Variants in AOPEP observed in about 807,000 individuals in gnomAD.
The protein encoded by AOPEP is aminopeptidase O (putative), also known as aminopeptidase O.
In AOPEP, 77 loss-of-function variants were observed where a neutral mutation model predicts 98.1. The observed-to-expected ratio is 0.78, with a 90% CI of 0.65 to 0.95. The LOEUF (loss-of-function observed/expected upper bound fraction) is 0.95, where lower values mean the gene tolerates loss of function less well. Among genes scored for constraint, AOPEP ranks in the 40% least tolerant of loss-of-function variants. The pLI is 0.00. For missense variants in AOPEP, 1,024 were observed against 1,024.7 expected, an observed-to-expected ratio of 1.00 and a Z score of 0.01; for synonymous variants, 346 against 365.3, an observed-to-expected ratio of 0.95 and a Z score of 0.60.
At chr9:94,931,661 G>C in intron 7 of AOPEP, 1 of 1,087,792 alleles carries the variant, frequency 9.2e-7, no homozygotes, top group African/African-American at 1.6e-5. Context: ...ATGCCCCATG[G>C]TCTTGAAATG....
At chr9:94,991,942 G>C (rs1283666491) in intron 11 of AOPEP, among the ~76,000 whole-genome samples, 1 of 152,196 alleles carries the variant, frequency 6.6e-6, no homozygotes, top group Non-Finnish European at 1.5e-5. Context: ...TTCCTCACTT[G>C]AGATGGAAAC....
At chr9:95,059,369 C>T (rs1254894118) in intron 13 of AOPEP, among the ~76,000 whole-genome samples, 2 of 152,160 alleles carry the variant, frequency 1.3e-5, no homozygotes, top group African/African-American at 2.4e-5. Flanking sequence ...TTCTTTCTGC[C>T]TCTGTCTGTA....
chr9:94,750,759 T>TC (rs1381543442), intron 1 of AOPEP, among the ~76,000 whole-genome samples: 3 of 145,996 alleles, frequency 2.1e-5, no homozygotes, highest in East Asian at 2.0e-4. Context: ...TTTCTTTCTT[T>TC]TTTTTTTTTT....
the AOPEP span, among the ~76,000 whole-genome samples, chr9:95,136,068 A>T: frequency 6.6e-6 from 1 of 152,188 alleles, no homozygotes; most frequent in Non-Finnish European, 1.5e-5. Context: ...ACTAATTATA[A>T]TCGGTTGCTT....
At position 94,737,866 on chromosome 9, in the gene AOPEP, A is replaced by G. The variant is rs373798008; in HGVS notation, c.-136+11115A>G. ...GACTGTCTGGTTCAGCTTATGGTTC[A>G]GCTTAGGATGGAATGTACTGCTCTG... On this transcript the variant is annotated intron_variant, in intron 1 of 16. Transcript: ENST00000375315. Among the ~76,000 whole-genome samples the G allele has an allele frequency of 4.3e-4, 65 of 152,266 alleles. 4 individuals are homozygous for G. Among genetic ancestry groups the G allele is most frequent in the African/African-American group, 1.5e-3 (64 of 41,560 alleles).
chr9:94,735,370 A>G (rs976132980), intron 1 of AOPEP, among the ~76,000 whole-genome samples: 3 of 152,020 alleles, frequency 2.0e-5, no homozygotes, highest in Non-Finnish European at 4.4e-5. Flanking sequence ...ACAGGCACTC[A>G]CCACCACGCC....
intron 13 of AOPEP, among the ~76,000 whole-genome samples, chr9:95,044,345 G>T (rs1221390974): frequency 6.6e-6 from 1 of 150,546 alleles, no homozygotes; most frequent in East Asian, 2.0e-4. Context: ...CTACAAGAAG[G>T]TTACATTAAT....
intron 5 of AOPEP, among the ~76,000 whole-genome samples, chr9:94,889,657 T>G (rs989664876): frequency 6.6e-6 from 1 of 152,194 alleles, no homozygotes; most frequent in South Asian, 2.1e-4. Flanking sequence ...CTGGTCATCA[T>G]GTACAAATTT....
chr9:95,099,638 GGGCCACA>G, the AOPEP span: 1 of 231,570 alleles, frequency 4.3e-6, no homozygotes, highest in Non-Finnish European at 8.5e-6. Context: ...AAAGGGCAAA[GGGCCACA>G]TGAAGCCAGC....
At chr9:95,049,884 G>A (rs2066188998) in intron 13 of AOPEP, among the ~76,000 whole-genome samples, 1 of 152,164 alleles carries the variant, frequency 6.6e-6, no homozygotes, top group South Asian at 2.1e-4. Context: ...CTCGTTGATT[G>A]ACTATCAAGT....
chr9:94,756,450 G>A (rs1837075332), intron 1 of AOPEP, among the ~76,000 whole-genome samples: 1 of 152,130 alleles, frequency 6.6e-6, no homozygotes, highest in Admixed American at 6.5e-5. Flanking sequence ...TATGGTCCCA[G>A]CTACTTGGGA....
intron 13 of AOPEP, among the ~76,000 whole-genome samples, chr9:95,028,815 T>G (rs973796064): frequency 1.3e-5 from 2 of 152,230 alleles, no homozygotes; most frequent in East Asian, 1.9e-4. Flanking sequence ...AACTCACTTT[T>G]CCTTTAATTC....
intron 5 of AOPEP, among the ~76,000 whole-genome samples, chr9:94,888,349 T>C (rs10125566): frequency 0.85 from 128,337 of 150,694 alleles, 56,319 homozygotes; most frequent in Non-Finnish European, 0.95. Flanking sequence ...TATTTTGAAA[T>C]AATTATAGAG....
chr9:95,114,930 T>TA, the AOPEP span, among the ~76,000 whole-genome samples: 3 of 152,174 alleles, frequency 2.0e-5, no homozygotes, highest in Non-Finnish European at 4.4e-5. Flanking sequence ...TCAAAGAATC[T>TA]AATCTTTTAA....
intron 5 of AOPEP, among the ~76,000 whole-genome samples, chr9:94,804,513 C>T (rs1346544003): frequency 6.6e-6 from 1 of 152,154 alleles, no homozygotes; most frequent in East Asian, 1.9e-4. Context: ...ACCCTTCATC[C>T]CACTGGGAAA....
intron 13 of AOPEP, among the ~76,000 whole-genome samples, chr9:95,010,889 A>G (rs2062450818): frequency 6.6e-6 from 1 of 152,220 alleles, no homozygotes; most frequent in Non-Finnish European, 1.5e-5. Context: ...CAGTGCTGTT[A>G]ATACGCAATT....
At chr9:95,110,285 C>A in the AOPEP span, 1 of 1,012,976 alleles carries the variant, frequency 9.9e-7, no homozygotes, top group Non-Finnish European at 1.2e-6. Context: ...TGTCAGTAAC[C>A]TTTTGACTGT....
intron 13 of AOPEP, among the ~76,000 whole-genome samples, chr9:95,018,406 T>C (rs2063182435): frequency 6.6e-6 from 1 of 152,254 alleles, no homozygotes; most frequent in Admixed American, 6.5e-5. Context: ...GATACCTTAA[T>C]GCTGCTCGTG....
chr9:94,864,250 CAAAT>C (rs2045457035), intron 5 of AOPEP, among the ~76,000 whole-genome samples: 1 of 152,038 alleles, frequency 6.6e-6, no homozygotes, highest in African/African-American at 2.4e-5. Flanking sequence ...CACAGGAGGA[CAAAT>C]AAATGAACGA....
Sources: gnomAD v4.1 joint callset for allele counts (sites outside exome capture counted in the v4.1 genomes callset) on GRCh38, gnomAD v4.1.1 for gene constraint, MANE v1.5 for transcripts, NCBI Gene and HGNC (gene_info 2026-07-23, HGNC 2026-07-21) for gene names.